USP13: variants seen among roughly 807,000 people sequenced by gnomAD.
The protein encoded by USP13 is ubiquitin specific peptidase 13, also known as ubiquitin carboxyl-terminal hydrolase 13.
A neutral mutation model predicts 107.8 loss-of-function variants in USP13; 68 were observed. The observed-to-expected ratio is 0.63, with a 90% CI of 0.52 to 0.77. USP13 has a LOEUF of 0.77. USP13 is among the 30% of genes least tolerant of loss of function. USP13 has a pLI of 0.00. For missense variants in USP13, 945 were observed against 1,093.3 expected (o/e 0.86, Z 1.91); for synonymous variants, 377 against 389.5 (o/e 0.97, Z 0.38).
At chr3:179,687,642 A>T (rs1711918230) in intron 2 of USP13, among the ~76,000 whole-genome samples, 1 of 118,662 alleles carries the variant, frequency 8.4e-6, no homozygotes, top group Non-Finnish European at 1.7e-5. Context: ...CTGGGCAACA[A>T]GAGTGAAACT....
chr3:179,727,926 T>C (rs1336782936), intron 8 of USP13, among the ~76,000 whole-genome samples: 1 of 59,766 alleles, frequency 1.7e-5, no homozygotes, highest in Admixed American at 1.9e-4. Context: ...GGTGGGGGGC[T>C]GACCCCCCCA....
At chr3:179,779,436 A>T (rs904534181) in intron 19 of USP13, among the ~76,000 whole-genome samples, 1 of 152,086 alleles carries the variant, frequency 6.6e-6, no homozygotes, top group Non-Finnish European at 1.5e-5. Flanking sequence ...AGGCTGAGGT[A>T]GGAGAATCAC....
chr3:179,748,052 T>A (rs1032012004), intron 13 of USP13, among the ~76,000 whole-genome samples: 11 of 152,234 alleles, frequency 7.2e-5, no homozygotes, highest in Admixed American at 7.2e-4. Flanking sequence ...AACTATCATT[T>A]ATTGCACATT....
At chr3:179,750,475 A>G (rs578003048) in intron 13 of USP13, among the ~76,000 whole-genome samples, 101 of 151,880 alleles carry the variant, frequency 6.6e-4, no homozygotes, top group African/African-American at 2.3e-3. Context: ...GAGATAATAT[A>G]TAATTTCTGG....
chr3:179,683,548 G>A (rs1711751530), intron 2 of USP13, among the ~76,000 whole-genome samples: 1 of 152,176 alleles, frequency 6.6e-6, no homozygotes, highest in African/African-American at 2.4e-5. Flanking sequence ...GTGGATGGTA[G>A]CAGGCAAAGA....
rs1715984703 is a variant in USP13, at chr3:179,788,938, CA to C, written c.*4799del. ...AAACCAATATATATATGTATGATCC[CA>C]ATTAAAAGACAAAAGCAAATGAGCC... On this transcript the variant is annotated 3_prime_UTR_variant, in exon 21 of 21. Coordinates refer to ENST00000263966, the MANE Select transcript of USP13 (RefSeq NM_003940.3). 6.6e-6 allele frequency: 1 copy of C among 152,054 alleles called. No individual in the cohort carries two copies. Among genetic ancestry groups the C allele is most frequent in the Non-Finnish European group, 1.5e-5 (1 of 68,024 alleles). The allele number at this position is 152,054 out of a possible 1,614,324, so 9.4% of individuals were successfully genotyped here.
intron 1 of USP13, among the ~76,000 whole-genome samples, chr3:179,673,232 A>G (rs1720797868): frequency 6.6e-6 from 1 of 152,180 alleles, no homozygotes; most frequent in Non-Finnish European, 1.5e-5. Context: ...ATTATGATGC[A>G]TTTTAAATTC....
intron 3 of USP13, among the ~76,000 whole-genome samples, chr3:179,692,532 AC>A (rs1020347366): frequency 4.6e-5 from 7 of 152,202 alleles, no homozygotes; most frequent in African/African-American, 7.2e-5. Flanking sequence ...GCTAGCATGA[AC>A]CCCAAAGCTG....
At chr3:179,741,952 G>GTTT (rs754867487) in intron 11 of USP13, among the ~76,000 whole-genome samples, 3 of 151,626 alleles carry the variant, frequency 2.0e-5, no homozygotes, top group African/African-American at 2.4e-5. Flanking sequence ...CTCTCCCATG[G>GTTT]TTTTTAATTT....
chr3:179,687,007 G>C (rs111680219), intron 2 of USP13, among the ~76,000 whole-genome samples: 4 of 152,262 alleles, frequency 2.6e-5, no homozygotes, highest in African/African-American at 9.6e-5. Flanking sequence ...TTCTTCCTCA[G>C]AAGGATACTT....
chr3:179,655,153 T>A (rs1296536258), intron 1 of USP13, among the ~76,000 whole-genome samples: 1 of 152,110 alleles, frequency 6.6e-6, no homozygotes, highest in Non-Finnish European at 1.5e-5. Context: ...GGCCTAAGTT[T>A]TTTAGGATAG....
chr3:179,766,513 TC>T (rs1243059670), intron 19 of USP13, among the ~76,000 whole-genome samples: 2 of 152,190 alleles, frequency 1.3e-5, no homozygotes, highest in African/African-American at 4.8e-5. Flanking sequence ...AGTGGTCTCA[TC>T]CTTGATCATA....
intron 6 of USP13, among the ~76,000 whole-genome samples, chr3:179,710,248 G>A: frequency 6.6e-6 from 1 of 152,178 alleles, no homozygotes; most frequent in East Asian, 1.9e-4. Flanking sequence ...TTACAGCGCG[G>A]TGTTTACAGG....
chr3:179,739,650 C>T (rs927762593), intron 10 of USP13, among the ~76,000 whole-genome samples: 14 of 151,166 alleles, frequency 9.3e-5, no homozygotes, highest in African/African-American at 3.4e-4. Flanking sequence ...CTTCACCTCC[C>T]GGGTTCAAGC....
At chr3:179,658,333 A>G (rs555774898) in intron 1 of USP13, among the ~76,000 whole-genome samples, 4 of 152,256 alleles carry the variant, frequency 2.6e-5, no homozygotes, top group African/African-American at 9.6e-5. Flanking sequence ...CTTCTGCTTC[A>G]GACTTCATCC....
chr3:179,775,066 C>T (rs887758656), intron 19 of USP13, among the ~76,000 whole-genome samples: 16 of 152,220 alleles, frequency 1.1e-4, no homozygotes, highest in African/African-American at 3.9e-4. Flanking sequence ...CTGATTGGTG[C>T]ATTTACAATC....
intron 3 of USP13, among the ~76,000 whole-genome samples, chr3:179,695,867 G>A (rs770689967): frequency 1.3e-5 from 2 of 151,934 alleles, no homozygotes; most frequent in African/African-American, 2.4e-5. Context: ...TTAACCCTTC[G>A]GCTCCCAAAC....
chr3:179,660,739 C>T (rs1486255883), intron 1 of USP13, among the ~76,000 whole-genome samples: 2 of 152,218 alleles, frequency 1.3e-5, no homozygotes, highest in Admixed American at 1.3e-4. Context: ...CTGTGGAAAA[C>T]TCTTCCTCCT....
intron 3 of USP13, among the ~76,000 whole-genome samples, chr3:179,698,835 C>T (rs1712405488): frequency 6.6e-6 from 1 of 150,710 alleles, no homozygotes; most frequent in African/African-American, 2.4e-5. Context: ...GTCTAAATAA[C>T]TATGATTTAA....
Sources: allele counts gnomAD v4.1 joint callset (sites outside exome capture counted in the v4.1 genomes callset), GRCh38; gene constraint gnomAD v4.1.1; transcripts MANE v1.5; gene names NCBI Gene and HGNC (gene_info 2026-07-23, HGNC 2026-07-21).